The following CCDC178 variants were observed in gnomAD, a reference collection of about 807,000 sequenced individuals.
CCDC178 encodes coiled-coil domain containing 178.
Under a neutral mutation model 117.4 loss-of-function variants are expected in CCDC178, and 126 were observed. That is an observed-to-expected ratio of 1.07 (90% CI 0.93 to 1.24). The LOEUF (loss-of-function observed/expected upper bound fraction) is 1.24, where lower values mean the gene tolerates loss of function less well. CCDC178 is among the 50% of genes most tolerant of loss of function. The pLI, the probability that CCDC178 is intolerant of heterozygous loss-of-function variation, is 0.00. For missense variants in CCDC178, 1,030 were observed against 986.9 expected (o/e 1.04, Z -0.59); for synonymous variants, 283 against 313.4 (o/e 0.90, Z 1.02).
chr18:33,400,509 T>C (rs954278148), intron 3 of CCDC178, among the ~76,000 whole-genome samples: 3 of 152,236 alleles, frequency 2.0e-5, no homozygotes, highest in African/African-American at 7.2e-5. Flanking sequence ...GCTGCTTCAC[T>C]GTGCACTTTC....
intron 20 of CCDC178, among the ~76,000 whole-genome samples, chr18:33,097,812 C>A (rs182351862): frequency 1.6e-3 from 241 of 152,092 alleles, no homozygotes; most frequent in Middle Eastern, 6.8e-3. Flanking sequence ...GTAAAACAGG[C>A]CACTTATGGA....
chr18:33,259,791 AG>A (rs2059720637), intron 14 of CCDC178, among the ~76,000 whole-genome samples: 1 of 152,198 alleles, frequency 6.6e-6, no homozygotes, highest in South Asian at 2.1e-4. Flanking sequence ...CATTGAAGGC[AG>A]GAAGTTTTCC....
At chr18:33,032,625 G>A (rs1279845734) in intron 21 of CCDC178, among the ~76,000 whole-genome samples, 3 of 152,048 alleles carry the variant, frequency 2.0e-5, no homozygotes, top group Non-Finnish European at 4.4e-5. Flanking sequence ...GGCAGCTGAG[G>A]CTATCTGGGG....
intron 11 of CCDC178, among the ~76,000 whole-genome samples, chr18:33,308,548 G>A (rs2062290741): frequency 6.6e-6 from 1 of 152,152 alleles, no homozygotes; most frequent in African/African-American, 2.4e-5. Context: ...GGGAACTGTT[G>A]GAAGGGTATG....
chr18:33,172,187 G>A (rs111799096), intron 20 of CCDC178, among the ~76,000 whole-genome samples: 7,020 of 152,078 alleles, frequency 0.046, 240 homozygotes, highest in East Asian at 0.11. Context: ...GAGCCACCAC[G>A]CCCAGCCAAT....
chr18:33,220,401 C>T (rs1382245203), intron 18 of CCDC178, among the ~76,000 whole-genome samples: 1 of 152,028 alleles, frequency 6.6e-6, no homozygotes, highest in Non-Finnish European at 1.5e-5. Context: ...ACTGGTTAAA[C>T]ACTAGATTTC....
Position 33,257,670 on chromosome 18 carries a change from T to C in CCDC178, c.1409+9246A>G, listed in dbSNP as rs746372727. ...GTGTTCTGTAGCAAAAAACTTTTCATGTTCTCCATTGTCCATATTGCACAA... is the reference window on the plus strand; with the variant it reads ...GTGTTCTGTAGCAAAAAACTTTTCACGTTCTCCATTGTCCATATTGCACAA... On this transcript the variant is annotated intron_variant, in intron 14 of 22. Coordinates refer to ENST00000383096, the MANE Select transcript of CCDC178 (RefSeq NM_001105528.4). Among the ~76,000 whole-genome samples the C allele has an allele frequency of 2.0e-4, 31 of 152,238 alleles. No individual in the cohort carries two copies. The East Asian group carries it at 2.7e-3, about 13-fold the overall frequency.
intron 15 of CCDC178, among the ~76,000 whole-genome samples, chr18:33,238,242 GA>G (rs1054235115): frequency 6.6e-6 from 1 of 151,946 alleles, no homozygotes; most frequent in Non-Finnish European, 1.5e-5. Context: ...CAATAAACAT[GA>G]AAAAGCAAGG....
intron 12 of CCDC178, among the ~76,000 whole-genome samples, chr18:33,290,085 A>G (rs1027988098): frequency 3.9e-5 from 6 of 152,190 alleles, no homozygotes; most frequent in African/African-American, 9.6e-5. Flanking sequence ...TTCATCTCTT[A>G]CAGTAATTGA....
intron 21 of CCDC178, among the ~76,000 whole-genome samples, chr18:33,086,483 A>G (rs1223465263): frequency 6.6e-6 from 1 of 150,990 alleles, no homozygotes; most frequent in Admixed American, 6.6e-5. Flanking sequence ...GAGAGAGAGA[A>G]TAATATTTTC....
At chr18:33,137,739 CA>C in intron 20 of CCDC178, among the ~76,000 whole-genome samples, 1 of 152,266 alleles carries the variant, frequency 6.6e-6, no homozygotes, top group African/African-American at 2.4e-5. Context: ...CCTGTTTATA[CA>C]TAAGCTAAAT....
chr18:33,267,267 G>T lies in CCDC178; in HGVS notation c.1207C>A (p.Leu403Ile), dbSNP rs886108394. Residue 403 changes from leucine to isoleucine, a missense_variant, in exon 13 of 23, where the codon CTA (leucine) becomes ATA (isoleucine). By Grantham distance (5) the Leu-to-Ile change is conservative. Transcript: ENST00000383096. ...LEDLRRVYDQ[L>I]TWKQKSHENQ... ...TCATGACTTTTTTGCTTCCAGGTTA[G>T]TTGGTCATAAACTCTTCTCAAATCT... 1.3e-5 allele frequency: 21 copies of T among 1,605,620 alleles called. No homozygotes were observed. In the African/African-American group the frequency reaches 2.1e-4, roughly 16 times the overall value.
At chr18:33,226,715 C>A (rs772625057) in intron 16 of CCDC178, 78 bp downstream of exon 16, 3 of 1,005,136 alleles carry the variant, frequency 3.0e-6, no homozygotes, top group South Asian at 1.5e-5. Context: ...CAAGATGCCT[C>A]ATTACAGGCA....
At chr18:32,945,621 C>A (rs1431914077) in intron 22 of CCDC178, among the ~76,000 whole-genome samples, 1 of 152,084 alleles carries the variant, frequency 6.6e-6, no homozygotes, top group Non-Finnish European at 1.5e-5. Flanking sequence ...GGCCACATGG[C>A]TTAACATATT....
chr18:33,391,263 GATA>G (rs1483167429), intron 4 of CCDC178, among the ~76,000 whole-genome samples: 12 of 151,112 alleles, frequency 7.9e-5, no homozygotes, highest in African/African-American at 2.4e-4. Context: ...TGAAGTTACA[GATA>G]ATAATAAAAA....
At chr18:33,137,944 A>G (rs751764943) in intron 20 of CCDC178, among the ~76,000 whole-genome samples, 3 of 152,236 alleles carry the variant, frequency 2.0e-5, no homozygotes, top group Non-Finnish European at 4.4e-5. Flanking sequence ...GAAAGTGGAC[A>G]AGGCGAACAT....
At chr18:33,263,867 A>G (rs184916792) in intron 14 of CCDC178, among the ~76,000 whole-genome samples, 8 of 152,170 alleles carry the variant, frequency 5.3e-5, no homozygotes, top group Admixed American at 6.5e-5. Context: ...GGACTTAAAG[A>G]TTTTCTACAA....
At chr18:33,151,801 A>G (rs2058344419) in intron 20 of CCDC178, among the ~76,000 whole-genome samples, 1 of 152,226 alleles carries the variant, frequency 6.6e-6, no homozygotes, top group Non-Finnish European at 1.5e-5. Context: ...GGATTAACTT[A>G]GTGAAGAGAG....
At chr18:33,375,145 C>CT (rs1474071166) in intron 5 of CCDC178, among the ~76,000 whole-genome samples, 1 of 152,138 alleles carries the variant, frequency 6.6e-6, no homozygotes, top group African/African-American at 2.4e-5. Flanking sequence ...AAAAAGACCA[C>CT]TAAGCATATC....
Sources: allele counts gnomAD v4.1 joint callset (sites outside exome capture counted in the v4.1 genomes callset), GRCh38; gene constraint gnomAD v4.1.1; transcripts MANE v1.5; gene names NCBI Gene and HGNC (gene_info 2026-07-23, HGNC 2026-07-21).